The following NPC1 variants were observed in gnomAD, a reference collection of about 807,000 sequenced individuals.
The protein encoded by NPC1 is Niemann-Pick C1 protein.
A neutral mutation model predicts 140.4 loss-of-function variants in NPC1; 85 were observed. The observed-to-expected ratio is 0.61, with a 90% confidence interval of 0.51 to 0.72. The LOEUF (loss-of-function observed/expected upper bound fraction) is 0.72. Ranked by LOEUF, NPC1 falls within the 30% of genes least tolerant of loss-of-function variation. The pLI is 0.00. For missense variants in NPC1, 1,504 were observed against 1,623.8 expected (o/e 0.93, Z 1.27); for synonymous variants, 656 against 624.8 (o/e 1.05, Z -0.74).
At chr18:23,540,058 A>C in intron 17 of NPC1, 57 bp from the exon 18 acceptor site, 4 of 1,470,646 alleles carry the variant, frequency 2.7e-6, no homozygotes, top group Non-Finnish European at 3.8e-6. Flanking sequence ...GTAACTAAGC[A>C]AGGCGAGGAT....
chr18:23,518,620 T>C (rs2058069438), downstream of NPC1, among the ~76,000 whole-genome samples: 1 of 152,176 alleles, frequency 6.6e-6, no homozygotes, highest in South Asian at 2.1e-4. Context: ...AACTATTACA[T>C]GTGTTTCTTT....
chr18:23,534,653 C>T lies in NPC1; in HGVS notation c.3478-94G>A, dbSNP rs997940874. On this transcript the variant is annotated intron_variant, in intron 22 of 24. Coordinates refer to ENST00000269228, the MANE Select transcript of NPC1 (RefSeq NM_000271.5). ...GAGGATGGGTGCTAATTACCCAGGG[C>T]ACCCTGGGTGCTAGAGGAGGCCAAG... 157 of 948,418 alleles carry T rather than the reference C, an allele frequency of 1.7e-4. No individual in the cohort carries two copies. The South Asian group carries it at 2.0e-3, about 12-fold the overall frequency. 58.8% of individuals were successfully genotyped at this position (948,418 alleles called of 1,614,324 possible). A position where few individuals can be genotyped will look rare whatever the true frequency, so the allele number is the denominator to read the frequency against.
intron 24 of NPC1, among the ~76,000 whole-genome samples, chr18:23,532,579 C>CA (rs2145328743): frequency 6.6e-6 from 1 of 152,244 alleles, no homozygotes; most frequent in African/African-American, 2.4e-5. Context: ...GGTGGGACTG[C>CA]AGACGCACAC....
At chr18:23,583,143 G>A (rs2059376892) in intron 1 of NPC1, among the ~76,000 whole-genome samples, 1 of 150,108 alleles carries the variant, frequency 6.7e-6, no homozygotes, top group Admixed American at 6.6e-5. Flanking sequence ...CAAGTCAAGT[G>A]TCCTGGCCAC....
intron 8 of NPC1, among the ~76,000 whole-genome samples, chr18:23,555,672 G>A (rs1215170471): frequency 6.6e-6 from 1 of 152,196 alleles, no homozygotes; most frequent in East Asian, 1.9e-4. Context: ...CAGGGACAAT[G>A]GGAAGGTTTA....
At chr18:23,538,474 C>T in intron 20 of NPC1, 68 bp downstream of exon 20, 2 of 1,587,944 alleles carry the variant, frequency 1.3e-6, no homozygotes, top group Non-Finnish European at 1.7e-6. Flanking sequence ...TAGCCCAGTC[C>T]TCTCCTAGTT....
At chr18:23,555,589 T>C (rs2058938606) in intron 8 of NPC1, among the ~76,000 whole-genome samples, 1 of 152,176 alleles carries the variant, frequency 6.6e-6, no homozygotes, top group Non-Finnish European at 1.5e-5. Flanking sequence ...GGAAAAACCA[T>C]GTGATTATAC....
At chr18:23,567,501 G>A (rs2059142480) in intron 4 of NPC1, among the ~76,000 whole-genome samples, 2 of 152,142 alleles carry the variant, frequency 1.3e-5, no homozygotes, top group South Asian at 2.1e-4. Context: ...TTCTTATTGA[G>A]TTTTAGGAGT....
chr18:23,552,710 T>G (rs1211156935), intron 9 of NPC1, among the ~76,000 whole-genome samples: 4 of 152,202 alleles, frequency 2.6e-5, no homozygotes, highest in Non-Finnish European at 4.4e-5. Flanking sequence ...GGCCAGGTGC[T>G]GAGAAGCTTC....
chr18:23,581,655 A>T (rs985328826), intron 1 of NPC1, among the ~76,000 whole-genome samples: 3 of 152,138 alleles, frequency 2.0e-5, no homozygotes, highest in Non-Finnish European at 4.4e-5. Context: ...AGCACCCTGC[A>T]AATTTTTTTA....
In NPC1 at chr18:23,543,487, G is replaced by T. The variant is rs777286835; in HGVS notation, c.2213C>A (p.Ser738Ter). 1.2e-6 allele frequency: 2 copies of T among 1,611,208 alleles called. No homozygotes were observed. Among genetic ancestry groups the T allele is most frequent in the East Asian group, 4.5e-5 (2 of 44,846 alleles). ...LGEVAPSMFL[S>*]SFSETVAFFL... The stretch of plus-strand genomic sequence containing the variant: ...AAATGCTACAGTCTCAGAAAAGGAT[G>T]ACAGGAACATACTGGGAGCCACTTC... The change falls in exon 14 of 25, where the codon TCA becomes TAA. Residue 738 changes from serine (S) to a stop codon, truncating the protein, a stop_gained. Transcript: ENST00000269228. LOFTEE classifies it high-confidence loss of function.
intron 14 of NPC1, among the ~76,000 whole-genome samples, chr18:23,542,310 A>G (rs958090941): frequency 6.6e-6 from 1 of 150,548 alleles, no homozygotes; most frequent in Non-Finnish European, 1.5e-5. Context: ...ACAGGGCTAC[A>G]GGTTTCAAAA....
chr18:23,535,394 C>T, intron 22 of NPC1, 75 bp downstream of exon 22: 1 of 1,056,578 alleles, frequency 9.5e-7, no homozygotes, highest in East Asian at 2.6e-5. Context: ...TTAGGGTTTA[C>T]ATGGAATCTA....
downstream of NPC1, chr18:23,529,746 A>G (rs753375918): frequency 7.0e-6 from 11 of 1,571,346 alleles, no homozygotes; most frequent in Admixed American, 1.7e-5. Context: ...AAGTTAAAAC[A>G]GAAGGAATTT....
chr18:23,546,916 G>A (rs2145413225), intron 11 of NPC1, among the ~76,000 whole-genome samples: 1 of 152,324 alleles, frequency 6.6e-6, no homozygotes, highest in South Asian at 2.1e-4. Context: ...AAAATTGACT[G>A]TGGTGATGGC....
At chr18:23,576,358 G>T in intron 1 of NPC1, 1 of 401,240 alleles carries the variant, frequency 2.5e-6, no homozygotes, top group Non-Finnish European at 3.4e-6. Context: ...GGAGGTTGAG[G>T]CTGCAGTGAG....
chr18:23,556,611 C>T lies in NPC1; in HGVS notation c.958G>A (p.Glu320Lys). The T allele has an allele frequency of 1.2e-6, 2 of 1,614,010 alleles. No homozygotes were observed. The highest frequency in any genetic ancestry group is 1.7e-6 in the Non-Finnish European group (2 of 1,179,960). ...AFSVNASDKG[E>K]ASCCDPVSAA... ...CTGACAGGGTCACAGCAGGACGCCTCTCCTGGAAGAACGGGAGAGGAAGGG... is the reference window on the plus strand; with the variant it reads ...CTGACAGGGTCACAGCAGGACGCCTTTCCTGGAAGAACGGGAGAGGAAGGG... The change falls in exon 8 of 25, where the codon GAG becomes AAG. Residue 320 changes from glutamate (E) to lysine (K), a missense_variant and splice_region_variant. Coordinates refer to ENST00000269228, the MANE Select transcript of NPC1 (RefSeq NM_000271.5).
chr18:23,542,020 G>GA lies in NPC1; in HGVS notation c.2246-588dup, dbSNP rs539004329. Among the ~76,000 whole-genome samples the GA allele has an allele frequency of 2.3e-3, 349 of 152,188 alleles. 2 individuals are homozygous for GA. The highest frequency in any genetic ancestry group is 7.9e-3 in the African/African-American group (328 of 41,546). On this transcript the variant is annotated intron_variant, in intron 14 of 24. Coordinates refer to ENST00000269228, the MANE Select transcript of NPC1 (RefSeq NM_000271.5). ...CAATGGCATTTTACACAAAAATCTA[G>GA]ATTCACAGCTTTGCTTGGAAGAAAA... is the stretch of plus-strand genomic sequence containing the variant.
chr18:23,572,893 T>A (rs1460368406), intron 2 of NPC1, among the ~76,000 whole-genome samples: 1 of 152,210 alleles, frequency 6.6e-6, no homozygotes, highest in Non-Finnish European at 1.5e-5. Context: ...TGTTATCATG[T>A]CGACTTGACT....
Sources: allele counts gnomAD v4.1 joint callset (sites outside exome capture counted in the v4.1 genomes callset), GRCh38; gene constraint gnomAD v4.1.1; transcripts MANE v1.5; gene names NCBI Gene and HGNC (gene_info 2026-07-23, HGNC 2026-07-21).